FAAH2: variants seen among roughly 807,000 people sequenced by gnomAD.
FAAH2 encodes the protein fatty-acid amide hydrolase 2.
FAAH2 carries 60 observed loss-of-function variants against 36.9 expected under a neutral mutation model. The ratio of observed to expected loss-of-function variants is 1.63; its 90% CI spans 1.32 to 2.02. FAAH2 has a LOEUF of 2.02. FAAH2 is among the 30% of genes most tolerant of loss of function. FAAH2 has a pLI of 0.00. For missense variants in FAAH2, 689 were observed against 397.5 expected (o/e 1.73, Z -6.23); for synonymous variants, 214 against 143.8 (o/e 1.49, Z -3.49).
At chrX:57,198,977 G>C in the FAAH2 span, among the ~76,000 whole-genome samples, 1 of 111,622 alleles carries the variant, frequency 9.0e-6, no homozygotes, top group Non-Finnish European at 1.9e-5. Flanking sequence ...GCAGCTGCAA[G>C]CTGTTTCTTT....
At chrX:57,251,147 A>G in the FAAH2 span, among the ~76,000 whole-genome samples, 1 of 112,311 alleles carries the variant, frequency 8.9e-6, no homozygotes, top group African/African-American at 3.2e-5. Context: ...AAAGGATCAT[A>G]CAACATAATC....
the FAAH2 span, among the ~76,000 whole-genome samples, chrX:57,264,034 T>C: frequency 2.1e-4 from 23 of 112,037 alleles, no homozygotes; most frequent in African/African-American, 7.1e-4. Context: ...TACTTAAACA[T>C]ACTTAAAATA....
At chrX:57,430,550 G>A (rs1380402153) in intron 7 of FAAH2, among the ~76,000 whole-genome samples, 1 of 111,126 alleles carries the variant, frequency 9.0e-6, no homozygotes, top group Non-Finnish European at 1.9e-5. Context: ...ATTGACCTAG[G>A]ACTCCTCTGC....
chrX:57,390,282 TTCTC>T (rs1404425978), intron 7 of FAAH2, among the ~76,000 whole-genome samples: 2 of 111,946 alleles, frequency 1.8e-5, no homozygotes. Context: ...ACGGAGCTTT[TTCTC>T]TCTATTTTCC....
At chrX:57,389,170 G>A (rs1043454515) in intron 7 of FAAH2, among the ~76,000 whole-genome samples, 7 of 103,293 alleles carry the variant, frequency 6.8e-5, no homozygotes, top group Non-Finnish European at 1.4e-4. Context: ...TCCAAAGTGG[G>A]TTTGTTATGG....
rs1407770129 is a variant in FAAH2, at chrX:57,378,570, A to G, written c.743-81A>G. 2.7e-6 allele frequency: 3 copies of G among 1,129,983 alleles called. No homozygotes were observed. The Admixed American group carries it at 7.7e-5, about 29-fold the overall frequency. 93.1% of individuals were successfully genotyped at this position (1,129,983 alleles called of 1,213,427 possible). ...AACCAGGAGAAAAAGTATTTAAGAT[A>G]GATTAAACACCATAATGAAATACAA... On this transcript the variant is annotated intron_variant, in intron 5 of 10. Transcript: ENST00000374900.
intron 8 of FAAH2, among the ~76,000 whole-genome samples, chrX:57,440,061 C>T (rs1221366992): frequency 9.0e-6 from 1 of 111,564 alleles, no homozygotes; most frequent in Non-Finnish European, 1.9e-5. Context: ...GTTCTTTTGG[C>T]TTAGGATTGA....
intron 7 of FAAH2, among the ~76,000 whole-genome samples, chrX:57,430,093 A>T (rs189258622): frequency 9.0e-6 from 1 of 111,696 alleles, no homozygotes. Context: ...AATGTACATT[A>T]TTAGGTTGAT....
At chrX:57,435,326 CAG>C (rs1386058843) in intron 8 of FAAH2, among the ~76,000 whole-genome samples, 3 of 111,067 alleles carry the variant, frequency 2.7e-5, no homozygotes, top group African/African-American at 9.8e-5. Context: ...AGTGACCTGA[CAG>C]AAAATAAACC....
In FAAH2 at chrX:57,431,995, G is replaced by T. The variant is rs974561506; in HGVS notation, c.1074G>T (p.Gln358His). The change falls in exon 8 of 11, where the codon CAG (glutamine) becomes CAT (histidine). Residue 358 changes from glutamine to histidine, a missense_variant. Coordinates refer to ENST00000374900, the MANE Select transcript of FAAH2 (RefSeq NM_174912.4). ...VKLKKMKYSF[Q>H]LWIAMMSAKG... is the part of the protein sequence containing the mutation. ...TGAAGAAAATGAAGTACTCTTTTCA[G>T]TTGTGGATCGCAATGATGTCAGCAA... 6.6e-6 allele frequency: 8 copies of T among 1,204,390 alleles called. No individual in the cohort carries two copies. Among genetic ancestry groups the T allele is most frequent in the Non-Finnish European group, 7.8e-6 (7 of 892,451 alleles).
chrX:57,381,546 C>A (rs1293539064), intron 7 of FAAH2: 2 of 685,985 alleles, frequency 2.9e-6, no homozygotes, highest in Admixed American at 9.0e-5. Flanking sequence ...AATAATAATA[C>A]AGCTTATTAC....
At chrX:57,359,790 G>A (rs1193491879) in intron 5 of FAAH2, among the ~76,000 whole-genome samples, 4 of 111,294 alleles carry the variant, frequency 3.6e-5, no homozygotes, top group African/African-American at 9.7e-5. Context: ...GTTATTTATG[G>A]TTTTATGTTG....
the FAAH2 span, among the ~76,000 whole-genome samples, chrX:57,155,137 GC>G: frequency 8.9e-6 from 1 of 112,096 alleles, no homozygotes; most frequent in Non-Finnish European, 1.9e-5. Context: ...GTTGTTTGAT[GC>G]ACTGGTTTTG....
intron 8 of FAAH2, among the ~76,000 whole-genome samples, chrX:57,444,699 G>C (rs1008484188): frequency 1.8e-5 from 2 of 111,495 alleles, no homozygotes; most frequent in African/African-American, 6.5e-5. Flanking sequence ...GACTGGAGCT[G>C]TTCCTATTCA....
rs749004077 is a variant in FAAH2 at position 57,439,936 on chromosome X, G to T, written c.1117-6992G>T. Among the ~76,000 whole-genome samples the T allele has an allele frequency of 5.4e-5, 6 of 111,358 alleles. No homozygotes were observed. The East Asian group carries it at 1.7e-3, about 32-fold the overall frequency. Reference sequence around the variant, plus strand: ...TAGATATGTGGCATTATTTCTGAGGGTTCTGTTCTCTTCCATTGATCTATA... The same window carrying T: ...TAGATATGTGGCATTATTTCTGAGGTTTCTGTTCTCTTCCATTGATCTATA... On this transcript the variant is annotated intron_variant, in intron 8 of 10. Transcript: ENST00000374900.
chrX:57,199,553 G>A, the FAAH2 span, among the ~76,000 whole-genome samples: 1 of 111,328 alleles, frequency 9.0e-6, no homozygotes, highest in Admixed American at 9.5e-5. Flanking sequence ...TGTGTACCCT[G>A]CAACCATTGG....
the FAAH2 span, among the ~76,000 whole-genome samples, chrX:57,140,624 A>G: frequency 9.2e-6 from 1 of 108,276 alleles, no homozygotes; most frequent in South Asian, 4.0e-4. Flanking sequence ...AAAAAGTGGT[A>G]AAAGCACCAT....
At chrX:57,464,353 C>A (rs936102068) in intron 10 of FAAH2, among the ~76,000 whole-genome samples, 17 of 110,286 alleles carry the variant, frequency 1.5e-4, no homozygotes, top group Non-Finnish European at 2.3e-4. Context: ...CAGCAAACCA[C>A]CATAGCAAAT....
chrX:57,217,444 G>C, the FAAH2 span, among the ~76,000 whole-genome samples: 1 of 111,754 alleles, frequency 8.9e-6, no homozygotes, highest in African/African-American at 3.3e-5. Flanking sequence ...AATCCATCCT[G>C]AGTTGATTTT....
Sources: allele counts gnomAD v4.1 joint callset (sites outside exome capture counted in the v4.1 genomes callset), GRCh38; gene constraint gnomAD v4.1.1; transcripts MANE v1.5; gene names NCBI Gene and HGNC (gene_info 2026-07-23, HGNC 2026-07-21).